Variants in TTLL5 observed in about 807,000 individuals in gnomAD.
TTLL5 encodes the protein tubulin tyrosine ligase like 5, also known as tubulin polyglutamylase TTLL5.
In TTLL5, 132 loss-of-function variants were observed where a neutral mutation model predicts 168.4. That is an observed-to-expected ratio of 0.78 (90% CI 0.68 to 0.91). The LOEUF (loss-of-function observed/expected upper bound fraction) is 0.91. Ranked by LOEUF, TTLL5 falls within the 40% of genes least tolerant of loss-of-function variation. The pLI is 0.00. For missense variants in TTLL5, 1,545 were observed against 1,581.5 expected, an observed-to-expected ratio of 0.98 and a Z score of 0.39; for synonymous variants, 546 against 558.6, an observed-to-expected ratio of 0.98 and a Z score of 0.32.
At chr14:75,904,733 T>C (rs1162783832) in intron 31 of TTLL5, among the ~76,000 whole-genome samples, 1 of 152,184 alleles carries the variant, frequency 6.6e-6, no homozygotes, top group Non-Finnish European at 1.5e-5. Flanking sequence ...TCTTCTTCAT[T>C]GTTTAGGTAG....
At chr14:75,891,614 A>G (rs555072054) in intron 30 of TTLL5, among the ~76,000 whole-genome samples, 1 of 152,278 alleles carries the variant, frequency 6.6e-6, no homozygotes, top group South Asian at 2.1e-4. Context: ...GGCAGTGGTG[A>G]TGGTGGAGAT....
intron 6 of TTLL5, 71 bp downstream of exon 6, chr14:75,690,393 C>T: frequency 6.6e-7 from 1 of 1,518,634 alleles, no homozygotes; most frequent in Non-Finnish European, 8.8e-7. Flanking sequence ...CAAAAGCCTC[C>T]TCAAGGTGTC....
At chr14:75,865,513 CT>C (rs1238198537) in intron 29 of TTLL5, among the ~76,000 whole-genome samples, 1 of 152,086 alleles carries the variant, frequency 6.6e-6, no homozygotes, top group Non-Finnish European at 1.5e-5. Context: ...GCATGCACCC[CT>C]GAGCCTAAAA....
chr14:75,664,693 C>G (rs561826222), intron 2 of TTLL5, among the ~76,000 whole-genome samples: 1 of 152,272 alleles, frequency 6.6e-6, no homozygotes, highest in East Asian at 1.9e-4. Flanking sequence ...ATATTTGGGT[C>G]ATTCTTGTTC....
At chr14:75,914,033 A>AAAAAAAAAAAAAAAATATATAT in intron 31 of TTLL5, among the ~76,000 whole-genome samples, 2 of 71,102 alleles carry the variant, frequency 2.8e-5, no homozygotes, top group African/African-American at 1.5e-4. Context: ...AAAAAAAAAA[A>AAAAAAAAAAAAAAAATATATAT]ATATATATAT....
At chr14:75,696,863 A>G (rs1885912547) in intron 6 of TTLL5, among the ~76,000 whole-genome samples, 2 of 152,212 alleles carry the variant, frequency 1.3e-5, no homozygotes, top group South Asian at 4.1e-4. Context: ...TTCATTTAAC[A>G]GGCTATCTTC....
At chr14:75,775,450 C>CTTTTTT in intron 21 of TTLL5, 34 bp from the exon 22 acceptor site, 6 of 1,585,896 alleles carry the variant, frequency 3.8e-6, no homozygotes, top group Admixed American at 3.4e-5. Flanking sequence ...ACCATCCCTC[C>CTTTTTT]TTTTTTTTTC....
At chr14:75,733,894 T>A in intron 13 of TTLL5, 95 bp from the exon 14 acceptor site, 12 of 1,156,644 alleles carry the variant, frequency 1.0e-5, no homozygotes, top group Non-Finnish European at 1.2e-5. Context: ...TTCATTGACA[T>A]TTGGAAACTT....
intron 31 of TTLL5, among the ~76,000 whole-genome samples, chr14:75,922,143 T>C (rs938217262): frequency 6.8e-6 from 1 of 146,386 alleles, no homozygotes; most frequent in African/African-American, 2.6e-5. Context: ...GCTGAGACGA[T>C]GGGGTTTTCT....
At chr14:75,713,867 A>G (rs771791371) in intron 9 of TTLL5, among the ~76,000 whole-genome samples, 3 of 152,144 alleles carry the variant, frequency 2.0e-5, no homozygotes, top group Non-Finnish European at 4.4e-5. Flanking sequence ...GAACTTATAG[A>G]GTTGTCAGAG....
At chr14:75,701,744 A>C (rs1007179995) in intron 7 of TTLL5, among the ~76,000 whole-genome samples, 2 of 152,064 alleles carry the variant, frequency 1.3e-5, no homozygotes, top group African/African-American at 4.8e-5. Context: ...TAATTATCTG[A>C]TTCTAATTCC....
chr14:75,714,985 C>T (rs187875655), intron 9 of TTLL5, among the ~76,000 whole-genome samples: 110 of 152,240 alleles, frequency 7.2e-4, no homozygotes, highest in South Asian at 2.3e-3. Context: ...TATACTAGTA[C>T]GCACAATTCT....
intron 5 of TTLL5, among the ~76,000 whole-genome samples, chr14:75,686,659 G>A (rs1253578240): frequency 6.6e-6 from 1 of 152,146 alleles, no homozygotes; most frequent in Non-Finnish European, 1.5e-5. Flanking sequence ...AAATTCTGAT[G>A]TTTTAGTAGC....
At chr14:75,933,695 A>G (rs2034346868) in intron 31 of TTLL5, among the ~76,000 whole-genome samples, 1 of 152,196 alleles carries the variant, frequency 6.6e-6, no homozygotes, top group Non-Finnish European at 1.5e-5. Context: ...AATTGTGTCC[A>G]CCTCAAAATT....
intron 30 of TTLL5, among the ~76,000 whole-genome samples, chr14:75,897,413 CTAAAT>C (rs2032718935): frequency 6.6e-6 from 1 of 152,128 alleles, no homozygotes; most frequent in African/African-American, 2.4e-5. Context: ...TTTTAAGTGG[CTAAAT>C]TAATCAGGCA....
intron 31 of TTLL5, chr14:75,906,472 A>G (rs941629438): frequency 3.3e-5 from 32 of 956,038 alleles, no homozygotes; most frequent in South Asian, 1.9e-4. Flanking sequence ...GATCCCCTTA[A>G]CCTAGTTTCA....
At chr14:75,934,943 A>G (rs559131233) in intron 31 of TTLL5, among the ~76,000 whole-genome samples, 1 of 152,354 alleles carries the variant, frequency 6.6e-6, no homozygotes, top group South Asian at 2.1e-4. Flanking sequence ...AAGGGGCTGC[A>G]TGGATTAATT....
chr14:75,857,135 A>G (rs954868943), intron 28 of TTLL5, among the ~76,000 whole-genome samples: 3 of 152,208 alleles, frequency 2.0e-5, no homozygotes, highest in Non-Finnish European at 2.9e-5. Context: ...TAAACTGGCT[A>G]GGTCATCCTT....
chr14:75,905,430 G>A (rs1252664346), intron 31 of TTLL5, among the ~76,000 whole-genome samples: 1 of 152,182 alleles, frequency 6.6e-6, no homozygotes, highest in African/African-American at 2.4e-5. Context: ...TCCTATAGAT[G>A]GTGGCTTAAT....
Sources: gnomAD v4.1 joint callset for allele counts (sites outside exome capture counted in the v4.1 genomes callset) on GRCh38, gnomAD v4.1.1 for gene constraint, MANE v1.5 for transcripts, NCBI Gene and HGNC (gene_info 2026-07-23, HGNC 2026-07-21) for gene names.